Variants in SKAP2 observed in about 807,000 individuals in gnomAD.
SKAP2 encodes src kinase-associated phosphoprotein 2.
In SKAP2, 28 loss-of-function variants were observed where a neutral mutation model predicts 54.9. The observed-to-expected ratio is 0.51, with a 90% CI of 0.38 to 0.70. The LOEUF is 0.70. Ranked by LOEUF, SKAP2 falls within the 30% of genes least tolerant of loss-of-function variation. The pLI is 0.00. For synonymous variants in SKAP2, 137 were observed against 134.3 expected, an observed-to-expected ratio of 1.02 and a Z score of -0.14; for missense variants, 356 against 424.1, an observed-to-expected ratio of 0.84 and a Z score of 1.41.
At chr7:26,656,390 C>CT in the SKAP2 span, among the ~76,000 whole-genome samples, 2 of 152,172 alleles carry the variant, frequency 1.3e-5, no homozygotes, top group Admixed American at 6.5e-5. Context: ...CACTTCCACT[C>CT]TTTAAAGATT....
rs143917608 is a variant in SKAP2 at position 26,844,037 on chromosome 7, G to A, written c.300C>T (p.Pro100=). The A allele has an allele frequency of 9.4e-5, 150 of 1,596,864 alleles. No homozygotes were observed. Among genetic ancestry groups the A allele is most frequent in the Non-Finnish European group, 1.2e-4 (140 of 1,164,856 alleles). ...SERYDKDDEA[P]SDGAQFPPIA... ...TGGGAAAATGTCACATACCATCAGA[G>A]GGGGCTTCATCGTCTTTATCATATC... is the stretch of plus-strand genomic sequence containing the variant. The change falls in exon 4 of 13, where the codon CCC becomes CCT. Residue 100 remains proline (P), a synonymous_variant. Transcript: ENST00000345317.
chr7:26,767,577 T>C (rs951601924), intron 4 of SKAP2, among the ~76,000 whole-genome samples: 8 of 152,342 alleles, frequency 5.3e-5, no homozygotes, highest in African/African-American at 1.9e-4. Context: ...AGATCTTTTC[T>C]ACTTTCTCTT....
chr7:26,707,015 G>A (rs1787174751), intron 9 of SKAP2, among the ~76,000 whole-genome samples: 1 of 152,086 alleles, frequency 6.6e-6, no homozygotes, highest in Non-Finnish European at 1.5e-5. Flanking sequence ...AAATTCAGCG[G>A]CCATTTAAAA....
intron 4 of SKAP2, among the ~76,000 whole-genome samples, chr7:26,825,798 A>C (rs1482171746): frequency 6.6e-6 from 1 of 152,156 alleles, no homozygotes; most frequent in Non-Finnish European, 1.5e-5. Flanking sequence ...TACTGCATAA[A>C]CATTATACTC....
chr7:26,823,163 C>A (rs950195449), intron 4 of SKAP2, among the ~76,000 whole-genome samples: 3 of 151,362 alleles, frequency 2.0e-5, no homozygotes, highest in African/African-American at 7.3e-5. Context: ...TGGTGGCTCA[C>A]GCCTGTAATC....
chr7:26,725,851 T>C (rs1449027859), intron 8 of SKAP2, 72 bp downstream of exon 8: 3 of 1,249,072 alleles, frequency 2.4e-6, no homozygotes, highest in African/African-American at 3.0e-5. Flanking sequence ...AGCTTTTGTA[T>C]ATGAAAACCC....
At chr7:26,810,924 C>T (rs761462071) in intron 4 of SKAP2, among the ~76,000 whole-genome samples, 1 of 152,258 alleles carries the variant, frequency 6.6e-6, no homozygotes, top group Non-Finnish European at 1.5e-5. Context: ...TCATGATCCG[C>T]GCACCTCGGC....
chr7:26,825,056 A>C (rs1364562289), intron 4 of SKAP2, among the ~76,000 whole-genome samples: 1 of 152,192 alleles, frequency 6.6e-6, no homozygotes, highest in Non-Finnish European at 1.5e-5. Context: ...GGTACTAAGA[A>C]CTGTATTTCT....
chr7:26,844,057 C>T lies in SKAP2; in HGVS notation c.280G>A (p.Asp94Asn). The T allele has an allele frequency of 6.2e-7, 1 of 1,611,016 alleles. No homozygotes were observed. The highest frequency in any genetic ancestry group is 2.2e-5 in the East Asian group (1 of 44,788). The change falls in exon 4 of 13, where the codon GAT becomes AAT. Residue 94 changes from aspartate (D) to asparagine (N), a missense_variant. Asp to Asn is a conservative substitution (Grantham distance 23). Transcript: ENST00000345317. ...DTISLASERY[D>N]KDDEAPSDGA... ...TCAGAGGGGGCTTCATCGTCTTTAT[C>T]ATATCGTTCTGAGGCTAATGAAATA...
intron 6 of SKAP2, among the ~76,000 whole-genome samples, chr7:26,728,163 T>A (rs1787747759): frequency 1.3e-5 from 2 of 152,096 alleles, no homozygotes; most frequent in African/African-American, 2.4e-5. Context: ...AAAGAAACAA[T>A]CAAAGTTTAT....
At chr7:26,853,719 G>A (rs747197628) in intron 3 of SKAP2, among the ~76,000 whole-genome samples, 15 of 152,102 alleles carry the variant, frequency 9.9e-5, no homozygotes, top group Non-Finnish European at 1.9e-4. Context: ...AACATTACCT[G>A]TGAGCACTCA....
chr7:26,784,125 C>CAAA (rs376577431), intron 4 of SKAP2, among the ~76,000 whole-genome samples: 27,334 of 138,410 alleles, frequency 0.2, 2,745 homozygotes, highest in Non-Finnish European at 0.24. Flanking sequence ...AGGGACATTC[C>CAAA]AAAAAAAAAA....
intron 4 of SKAP2, among the ~76,000 whole-genome samples, chr7:26,821,783 CCTGGCTATTT>C (rs1174427286): frequency 6.6e-6 from 1 of 152,106 alleles, no homozygotes; most frequent in African/African-American, 2.4e-5. Context: ...TGGTTCTACC[CCTGGCTATTT>C]ACTCCCCTTT....
downstream of SKAP2, among the ~76,000 whole-genome samples, chr7:26,666,783 T>C (rs1256556878): frequency 6.6e-6 from 1 of 152,064 alleles, no homozygotes; most frequent in African/African-American, 2.4e-5. Flanking sequence ...TGAAAGAAAG[T>C]GTCATATGCA....
chr7:26,820,400 A>G (rs1784363829), intron 4 of SKAP2, among the ~76,000 whole-genome samples: 1 of 152,144 alleles, frequency 6.6e-6, no homozygotes, highest in Admixed American at 6.5e-5. Flanking sequence ...GTCATCAAGT[A>G]GGTAAACAAC....
chr7:26,769,749 C>G (rs549782949), intron 4 of SKAP2, among the ~76,000 whole-genome samples: 2 of 152,288 alleles, frequency 1.3e-5, no homozygotes, highest in Non-Finnish European at 2.9e-5. Context: ...GGGGTCTACT[C>G]CAGACCCTGT....
At chr7:26,782,063 C>A (rs1209398962) in intron 4 of SKAP2, among the ~76,000 whole-genome samples, 1 of 152,198 alleles carries the variant, frequency 6.6e-6, no homozygotes, top group African/African-American at 2.4e-5. Context: ...ATTTTCTCCA[C>A]TAGACTTTAA....
chr7:26,742,031 A>G (rs1031163393), intron 4 of SKAP2, among the ~76,000 whole-genome samples: 4 of 152,216 alleles, frequency 2.6e-5, no homozygotes, highest in African/African-American at 9.6e-5. Flanking sequence ...GTCAGTGTAC[A>G]TATTTTAATA....
chr7:26,817,747 T>C (rs1307489511), intron 4 of SKAP2, among the ~76,000 whole-genome samples: 1 of 152,162 alleles, frequency 6.6e-6, no homozygotes, highest in African/African-American at 2.4e-5. Context: ...AGTCTCAGGA[T>C]ACAAAATCAA....
Sources: gnomAD v4.1 joint callset for allele counts (sites outside exome capture counted in the v4.1 genomes callset) on GRCh38, gnomAD v4.1.1 for gene constraint, MANE v1.5 for transcripts, NCBI Gene and HGNC (gene_info 2026-07-23, HGNC 2026-07-21) for gene names.